Variants in MFAP3 observed in about 807,000 individuals in gnomAD.
The protein encoded by MFAP3 is microfibril associated protein 3, also known as microfibril-associated glycoprotein 3.
MFAP3 carries 8 observed loss-of-function variants against 20.5 expected under a neutral mutation model. The ratio of observed to expected loss-of-function variants is 0.39; its 90% CI spans 0.23 to 0.70. The LOEUF is 0.70. Ranked by LOEUF, MFAP3 falls within the 30% of genes least tolerant of loss-of-function variation. The probability of loss-of-function intolerance (pLI) is 0.44; values close to 1 mark genes in which losing one functional copy is unlikely to be tolerated. For missense variants in MFAP3, 398 were observed against 444.6 expected (o/e 0.90, Z 0.94); for synonymous variants, 140 against 154.0 (o/e 0.91, Z 0.67).
At chr5:154,052,625 T>C (rs1773225691) in intron 2 of MFAP3, among the ~76,000 whole-genome samples, 1 of 152,218 alleles carries the variant, frequency 6.6e-6, no homozygotes, top group Non-Finnish European at 1.5e-5. Flanking sequence ...TAGCATTTTA[T>C]AGACATACCT....
rs1482963089 is a variant in MFAP3 at position 154,055,863 on chromosome 5, C to T, written c.*2150C>T. Reference sequence around the variant, plus strand: ...GCTTCAAATGATCCTCCTGCCTTACCTCCCAAAGTGTTGAGATTACAGGCA... The same window carrying T: ...GCTTCAAATGATCCTCCTGCCTTACTTCCCAAAGTGTTGAGATTACAGGCA... On this transcript the variant is annotated 3_prime_UTR_variant, in exon 3 of 3. Transcript: ENST00000522782. 6.6e-6 allele frequency among the ~76,000 whole-genome samples: 1 copy of T among 152,140 alleles called. No homozygotes were observed. The highest frequency in any genetic ancestry group is 1.5e-5 in the Non-Finnish European group (1 of 68,024).
Position 154,053,589 on chromosome 5 carries a change from C to T in MFAP3, c.965C>T (p.Ser322Leu), listed in dbSNP as rs148687734. ...IAVQVSVHLQ[S>L]ETKSIDTESQ... ...GTTCAGGTTTCTGTCCACCTTCAGTCAGAAACCAAAAGTATTGATACAGAG... is the reference window on the plus strand; with the variant it reads ...GTTCAGGTTTCTGTCCACCTTCAGTTAGAAACCAAAAGTATTGATACAGAG... The change falls in exon 3 of 3, where the codon TCA becomes TTA. Residue 322 changes from serine (S) to leucine (L), a missense_variant. By Grantham distance (145) the Ser-to-Leu change is moderately radical (BLOSUM62 -2). Transcript: ENST00000522782. The T allele has an allele frequency of 1.2e-6, 2 of 1,613,790 alleles. No homozygotes were observed. Among genetic ancestry groups the T allele is most frequent in the African/African-American group, 2.7e-5 (2 of 74,882 alleles).
At position 154,049,815 on chromosome 5, in the gene MFAP3, T is replaced by G. The variant is rs776533828; in HGVS notation, c.93T>G (p.Val31=). The change falls in exon 2 of 3, where the codon GTT becomes GTG. Residue 31 remains valine (V), a synonymous_variant. Coordinates refer to ENST00000522782, the MANE Select transcript of MFAP3 (RefSeq NM_005927.5). ...AAGATGTGGACTTCGACCAAATGGT[T>G]TCACTGGAAGCAAATCGTAGTTCTT... ...VLEDVDFDQM[V]SLEANRSSYN... The G allele has an allele frequency of 6.2e-7, 1 of 1,613,730 alleles. No homozygotes were observed. The highest frequency in any genetic ancestry group is 8.5e-7 in the Non-Finnish European group (1 of 1,179,738).
Position 154,049,569 on chromosome 5 carries a change from C to T in MFAP3, c.-154C>T. ...GGCTTTCTTTTAGGTTCTCTACTCA[C>T]ATCTTTTAATCTTGAAGACTAGAAA... On this transcript the variant is annotated 5_prime_UTR_variant, in exon 2 of 3. Transcript: ENST00000522782. The T allele has an allele frequency of 4.1e-6, 3 of 735,392 alleles. No individual in the cohort carries two copies. The highest frequency in any genetic ancestry group is 6.5e-6 in the Non-Finnish European group (3 of 461,564). 45.6% of individuals were successfully genotyped at this position (735,392 alleles called of 1,614,324 possible). A position where few individuals can be genotyped will look rare whatever the true frequency, so the allele number is the denominator to read the frequency against.
intron 2 of MFAP3, among the ~76,000 whole-genome samples, chr5:154,051,223 A>G (rs1370912): frequency 0.13 from 19,688 of 152,178 alleles, 1,793 homozygotes; most frequent in East Asian, 0.43. Context: ...CCAGACTCCT[A>G]TCTTCTCTGG....
chr5:154,052,117 G>A (rs1031778888), intron 2 of MFAP3, among the ~76,000 whole-genome samples: 13 of 152,062 alleles, frequency 8.5e-5, no homozygotes, highest in African/African-American at 2.9e-4. Context: ...TTCTATATAC[G>A]TGTTCCCTGA....
chr5:154,046,947 C>G (rs573400357), intron 1 of MFAP3, among the ~76,000 whole-genome samples: 1 of 152,274 alleles, frequency 6.6e-6, no homozygotes, highest in Admixed American at 6.5e-5. Context: ...GAGTCTATCT[C>G]CAGTTTCACC....
chr5:154,043,569 A>ACAC (rs1773011021), intron 1 of MFAP3, among the ~76,000 whole-genome samples: 1 of 142,756 alleles, frequency 7.0e-6, no homozygotes, highest in Non-Finnish European at 1.6e-5. Flanking sequence ...CACACACACA[A>ACAC]AAAGGAAAGG....
Position 154,053,134 on chromosome 5 carries a change from G to C in MFAP3, c.510G>C (p.Leu170=). Residue 170 remains leucine (L), a synonymous_variant, in exon 3 of 3, where the codon CTG becomes CTC. Coordinates refer to ENST00000522782, the MANE Select transcript of MFAP3 (RefSeq NM_005927.5). ...TITLILNVTR[L]CMMSSHLRKT... ...CACTCATCTTGAATGTCACACGGCTGTGCATGATGAGCAGCCATCTTCGCA... is the reference window on the plus strand; with the variant it reads ...CACTCATCTTGAATGTCACACGGCTCTGCATGATGAGCAGCCATCTTCGCA... 1.2e-6 allele frequency: 2 copies of C among 1,613,850 alleles called. No homozygotes were observed. Among genetic ancestry groups the C allele is most frequent in the South Asian group, 1.1e-5 (1 of 91,070 alleles).
chr5:154,040,234 A>G (rs370213504), intron 1 of MFAP3, among the ~76,000 whole-genome samples: 3 of 152,210 alleles, frequency 2.0e-5, no homozygotes, highest in African/African-American at 7.2e-5. Context: ...AATATTTACT[A>G]TTTTAGAAAA....
chr5:154,051,213 C>G (rs111650205), intron 2 of MFAP3, among the ~76,000 whole-genome samples: 3,661 of 152,272 alleles, frequency 0.024, 95 homozygotes, highest in African/African-American at 0.06. Context: ...ACCCACTGAA[C>G]CAGACTCCTA....
chr5:154,042,714 C>T (rs1772983147), intron 1 of MFAP3, among the ~76,000 whole-genome samples: 1 of 152,112 alleles, frequency 6.6e-6, no homozygotes. Context: ...GCTGTAGGAA[C>T]TGGTCCGTTT....
chr5:154,054,425 G>C lies in MFAP3; in HGVS notation c.*712G>C, dbSNP rs1337259932. ...CTTTCCATGAGTAAATTGGTCCTTG[G>C]TGGGGGTGTATCATATTTTTAACTT... is the stretch of plus-strand genomic sequence containing the variant. On this transcript the variant is annotated 3_prime_UTR_variant, in exon 3 of 3. Coordinates refer to ENST00000522782, the MANE Select transcript of MFAP3 (RefSeq NM_005927.5). 1 of 166,954 alleles carries C rather than the reference G, an allele frequency of 6.0e-6. No individual in the cohort carries two copies. Among genetic ancestry groups the C allele is most frequent in the Non-Finnish European group, 1.5e-5 (1 of 68,122 alleles). 10.3% of individuals were successfully genotyped at this position (166,954 alleles called of 1,614,324 possible). A position where few individuals can be genotyped will look rare whatever the true frequency, so the allele number is the denominator to read the frequency against.
intron 2 of MFAP3, among the ~76,000 whole-genome samples, chr5:154,052,109 C>G (rs753898026): frequency 6.6e-6 from 1 of 152,120 alleles, no homozygotes; most frequent in Non-Finnish European, 1.5e-5. Flanking sequence ...TTGTATACTT[C>G]TATATACGTG....
chr5:154,046,357 T>G (rs1296375556), intron 1 of MFAP3, among the ~76,000 whole-genome samples: 1 of 152,244 alleles, frequency 6.6e-6, no homozygotes, highest in Non-Finnish European at 1.5e-5. Context: ...TATAAAGATC[T>G]GTCACATACT....
intron 1 of MFAP3, among the ~76,000 whole-genome samples, chr5:154,048,566 A>G (rs560256716): frequency 1.3e-5 from 2 of 152,288 alleles, no homozygotes; most frequent in South Asian, 2.1e-4. Flanking sequence ...ATTTCATCCC[A>G]TATTTTATAG....
At position 154,053,470 on chromosome 5, in the gene MFAP3, C is replaced by T; in HGVS notation, c.846C>T (p.Gly282=). 6.2e-7 allele frequency: 1 copy of T among 1,613,830 alleles called. No homozygotes were observed. Among genetic ancestry groups the T allele is most frequent in the African/African-American group, 1.3e-5 (1 of 75,000 alleles). Residue 282 remains glycine, a synonymous_variant, in exon 3 of 3, where the codon GGC becomes GGT. Coordinates refer to ENST00000522782, the MANE Select transcript of MFAP3 (RefSeq NM_005927.5). The part of the protein sequence containing the change: ...KERPALNAQG[G]IYVINPEMGR... ...GACCTGCCTTGAATGCTCAAGGTGG[C>T]ATCTATGTCATTAACCCAGAGATGG...
chr5:154,045,159 C>T (rs1350880929), intron 1 of MFAP3, among the ~76,000 whole-genome samples: 1 of 152,050 alleles, frequency 6.6e-6, no homozygotes, highest in Non-Finnish European at 1.5e-5. Flanking sequence ...ATGACCCTGA[C>T]CCACAAGGGT....
Position 154,053,731 on chromosome 5 carries a change from C to T in MFAP3, c.*18C>T, listed in dbSNP as rs1773263246. Reference sequence around the variant, plus strand: ...AGCTGTAACCTACAATGCTGTAACCCAGTACCTACAAAATCAGCTCGCTCT... The same window carrying T: ...AGCTGTAACCTACAATGCTGTAACCTAGTACCTACAAAATCAGCTCGCTCT... On this transcript the variant is annotated 3_prime_UTR_variant, in exon 3 of 3. Transcript: ENST00000522782. The T allele has an allele frequency of 1.9e-6, 3 of 1,564,940 alleles. No homozygotes were observed. Among genetic ancestry groups the T allele is most frequent in the Admixed American group, 3.8e-5 (2 of 52,612 alleles).
Sources: gnomAD v4.1 joint callset for allele counts (sites outside exome capture counted in the v4.1 genomes callset) on GRCh38, gnomAD v4.1.1 for gene constraint, MANE v1.5 for transcripts, NCBI Gene and HGNC (gene_info 2026-07-23, HGNC 2026-07-21) for gene names.